The following DNMT1 variants were observed in gnomAD, a reference collection of about 807,000 sequenced individuals.
The protein encoded by DNMT1 is DNA methyltransferase 1.
DNMT1 carries 24 observed loss-of-function variants against 205.3 expected under a neutral mutation model. The observed-to-expected ratio is 0.12, with a 90% CI of 0.08 to 0.16. The LOEUF (loss-of-function observed/expected upper bound fraction) is 0.16. Among genes scored for constraint, DNMT1 ranks in the 10% least tolerant of loss-of-function variants. The pLI, the probability that DNMT1 is intolerant of heterozygous loss-of-function variation, is 1.00. For missense variants in DNMT1, 1,293 were observed against 2,177.7 expected (o/e 0.59, Z 8.09); for synonymous variants, 817 against 839.8 (o/e 0.97, Z 0.47).
chr19:10,166,865 G>C (rs1250658575), intron 10 of DNMT1, among the ~76,000 whole-genome samples, 180 bp from the exon 11 acceptor site: 1 of 152,210 alleles, frequency 6.6e-6, no homozygotes, highest in African/African-American at 2.4e-5. Flanking sequence ...AAGGTCTTCA[G>C]GAACACCATC....
chr19:10,170,066 C>T (rs941285005), intron 9 of DNMT1, among the ~76,000 whole-genome samples: 5 of 152,118 alleles, frequency 3.3e-5, no homozygotes, highest in African/African-American at 1.2e-4. Flanking sequence ...GGGTGGATCA[C>T]CTGAGGTCAG....
rs552415162 is a variant in DNMT1, at chr19:10,138,736, C to T, written c.3949-131G>A. ...AATGCGGAGTGCACTTGCAGAAATCCCCAGTTACCTCAGCAGGCGTGCTCC... is the reference window on the plus strand; with the variant it reads ...AATGCGGAGTGCACTTGCAGAAATCTCCAGTTACCTCAGCAGGCGTGCTCC... On this transcript the variant is annotated intron_variant, in intron 34 of 40. Transcript: ENST00000359526. This position sits in a 1 kb window ranked among gnomAD's most constrained non-coding sequence, Gnocchi z 4.1. 4.7e-4 allele frequency: 570 copies of T among 1,202,436 alleles called. 5 individuals are homozygous for T. In the African/African-American group the frequency reaches 7.7e-3, roughly 16 times the overall value. The allele number at this position is 1,202,436 out of a possible 1,614,324, so 74.5% of individuals were successfully genotyped here.
intron 9 of DNMT1, among the ~76,000 whole-genome samples, chr19:10,171,992 G>A (rs895780687): frequency 6.6e-6 from 1 of 151,172 alleles, no homozygotes; most frequent in African/African-American, 2.4e-5. Flanking sequence ...GGGTGATAGA[G>A]CGGGAGACTG....
intron 5 of DNMT1, among the ~76,000 whole-genome samples, chr19:10,178,901 C>A (rs185167212): frequency 6.6e-6 from 1 of 151,312 alleles, no homozygotes; most frequent in Non-Finnish European, 1.5e-5. Context: ...CCGAGGCGGG[C>A]GGATCATGAG....
chr19:10,175,014 C>T (rs1200893310), intron 7 of DNMT1, among the ~76,000 whole-genome samples: 1 of 148,290 alleles, frequency 6.7e-6, no homozygotes, highest in Non-Finnish European at 1.5e-5. Context: ...AAGATTGTGC[C>T]ACAAGAGCAA....
intron 2 of DNMT1, among the ~76,000 whole-genome samples, chr19:10,181,357 G>A (rs1031372340): frequency 2.6e-5 from 4 of 151,938 alleles, no homozygotes; most frequent in African/African-American, 9.7e-5. Flanking sequence ...GGCTGAGTGG[G>A]AAAATCACTT....
In DNMT1 at chr19:10,154,149, C is replaced by G. The variant is rs890575292; in HGVS notation, c.2019+144G>C. 1.2e-6 allele frequency: 1 copy of G among 868,788 alleles called. No individual in the cohort carries two copies. Among genetic ancestry groups the G allele is most frequent in the Non-Finnish European group, 1.9e-6 (1 of 525,838 alleles). 53.8% of individuals were successfully genotyped at this position (868,788 alleles called of 1,614,324 possible). Reference sequence around the variant, plus strand: ...TTCAATGAAGTATGCAGGGTCCTCCCAGACCACTAACTAATTTCTGTCTCA... The same window carrying G: ...TTCAATGAAGTATGCAGGGTCCTCCGAGACCACTAACTAATTTCTGTCTCA... On this transcript the variant is annotated intron_variant, in intron 22 of 40. Transcript: ENST00000359526. This position sits in a 1 kb window ranked among gnomAD's most constrained non-coding sequence, Gnocchi z 6.3.
chr19:10,151,430 T>C lies in DNMT1; in HGVS notation c.2233A>G (p.Asn745Asp), dbSNP rs910109905. The C allele has an allele frequency of 2.5e-6, 4 of 1,614,028 alleles. No individual in the cohort carries two copies. The highest frequency in any genetic ancestry group is 3.3e-5 in the Admixed American group (2 of 60,014). ...GCTTCTCCGACCCAAGAGATGCGAT[T>C]CTTGTTCTGTTTCTTCTTCTTCCCC... ...HQGKKKKQNK[N>D]RISWVGEAVK... The change falls in exon 24 of 41, where the codon AAT (asparagine) becomes GAT (aspartate). Residue 745 changes from asparagine to aspartate, a missense_variant. By Grantham distance (23) the Asn-to-Asp change is conservative (BLOSUM62 1). Around this residue, in one of 13 missense-constraint regions of DNMT1, gnomAD observed 197 missense variants for 353.6 expected, o/e 0.56. Coordinates refer to ENST00000359526, the MANE Select transcript of DNMT1 (RefSeq NM_001130823.3). This position sits in a 1 kb window ranked among gnomAD's most constrained non-coding sequence, Gnocchi z 5.0.
At chr19:10,171,293 A>G (rs1157209037) in intron 9 of DNMT1, among the ~76,000 whole-genome samples, 2 of 152,194 alleles carry the variant, frequency 1.3e-5, no homozygotes, top group African/African-American at 2.4e-5. Context: ...AGCACCTCCT[A>G]CATCTGAAAA....
In DNMT1 at chr19:10,159,708, A is replaced by G. The variant is rs2145320177; in HGVS notation, c.1230T>C (p.Ser410=). Residue 410 remains serine (S), a synonymous_variant, in exon 17 of 41, where the codon TCT becomes TCC. Coordinates refer to ENST00000359526, the MANE Select transcript of DNMT1 (RefSeq NM_001130823.3). The surrounding 1 kb of genome is among the most constrained non-coding windows in gnomAD (Gnocchi z 5.0). ...EKLSIFDANE[S]GFESYEALPQ... is the part of the protein sequence containing the mutation. The stretch of plus-strand genomic sequence containing the variant: ...GAAGCGCCTCATAACTCTCAAAGCC[A>G]GACTCGTTGGCATCAAAGATGGACA... 7 of 1,614,220 alleles carry G rather than the reference A, an allele frequency of 4.3e-6. No individual in the cohort carries two copies. The highest frequency in any genetic ancestry group is 5.9e-6 in the Non-Finnish European group (7 of 1,180,036).
At chr19:10,139,016 G>C (rs1013253216) in intron 34 of DNMT1, among the ~76,000 whole-genome samples, 1 of 152,252 alleles carries the variant, frequency 6.6e-6, no homozygotes, top group African/African-American at 2.4e-5. Flanking sequence ...CCCTGAGGCT[G>C]AGCTAGGGGA....
intron 22 of DNMT1, among the ~76,000 whole-genome samples, chr19:10,153,316 C>T (rs557420561): frequency 2.0e-5 from 3 of 152,186 alleles, no homozygotes; most frequent in South Asian, 2.1e-4. Flanking sequence ...AGTATCAACA[C>T]GTAACAGTTA....
intron 5 of DNMT1, among the ~76,000 whole-genome samples, chr19:10,178,191 AG>A (rs2038972027): frequency 6.6e-6 from 1 of 150,938 alleles, no homozygotes; most frequent in Admixed American, 6.7e-5. Flanking sequence ...CAGGAGGTGG[AG>A]GTTGTGGTGA....
Position 10,154,569 on chromosome 19 carries a change from C to T in DNMT1, c.1832+17G>A, listed in dbSNP as rs757270672. The T allele has an allele frequency of 2.5e-5, 41 of 1,613,746 alleles. No individual in the cohort carries two copies. Among genetic ancestry groups the T allele is most frequent in the Non-Finnish European group, 3.2e-5 (38 of 1,179,870 alleles). On this transcript the variant is annotated intron_variant, in intron 21 of 40. Coordinates refer to ENST00000359526, the MANE Select transcript of DNMT1 (RefSeq NM_001130823.3). This position sits in a 1 kb window ranked among gnomAD's most constrained non-coding sequence, Gnocchi z 6.3. ...CCCGGTCTCCAGTCTTCACTCTGGT[C>T]CCTGCCGCATCCTTACCTCTGTCCC...
chr19:10,141,855 C>G, intron 30 of DNMT1, 173 bp downstream of exon 30: 1 of 694,818 alleles, frequency 1.4e-6, no homozygotes, highest in Non-Finnish European at 2.4e-6. Flanking sequence ...CTCTGGAGAA[C>G]CCTGCTCAGA....
chr19:10,136,397 C>A, intron 37 of DNMT1, 110 bp from the exon 38 acceptor site: 5 of 1,440,568 alleles, frequency 3.5e-6, no homozygotes, highest in Middle Eastern at 2.4e-4. Context: ...TGCAAGGGGC[C>A]CCCTGGGGTG....
Position 10,168,326 on chromosome 19 carries a change from T to G in DNMT1, c.803+4A>C. The G allele has an allele frequency of 6.2e-7, 1 of 1,614,176 alleles. No homozygotes were observed. Among genetic ancestry groups the G allele is most frequent in the East Asian group, 2.2e-5 (1 of 44,886 alleles). On this transcript the variant is annotated splice_donor_region_variant and intron_variant, in intron 10 of 40. Coordinates refer to ENST00000359526, the MANE Select transcript of DNMT1 (RefSeq NM_001130823.3). ...AAGCACAAAGGCAGGTTCGCTGCAC[T>G]TACGGTTCTTTGGTTTGACTTCGGA...
chr19:10,161,765 T>C (rs1399166142), intron 13 of DNMT1, among the ~76,000 whole-genome samples: 3 of 152,206 alleles, frequency 2.0e-5, no homozygotes, highest in Non-Finnish European at 4.4e-5. Flanking sequence ...TATTTGGATG[T>C]AGAGTCTTTA....
chr19:10,151,859 C>T lies in DNMT1; in HGVS notation c.2020-12G>A, dbSNP rs2038349310. On this transcript the variant is annotated splice_polypyrimidine_tract_variant and intron_variant, in intron 22 of 40. Transcript: ENST00000359526. The surrounding 1 kb of genome is among the most constrained non-coding windows in gnomAD (Gnocchi z 5.0). Reference sequence around the variant, plus strand: ...GGCTGCTGACACACCTAAAAAATGGCATTAAAAAGGCAAATCAGGGCTGGG... The same window carrying T: ...GGCTGCTGACACACCTAAAAAATGGTATTAAAAAGGCAAATCAGGGCTGGG... 6.2e-7 allele frequency: 1 copy of T among 1,613,626 alleles called. No homozygotes were observed. The highest frequency in any genetic ancestry group is 1.3e-5 in the African/African-American group (1 of 74,986).
Sources: allele counts gnomAD v4.1 joint callset (sites outside exome capture counted in the v4.1 genomes callset), GRCh38; gene constraint gnomAD v4.1.1; regional missense constraint gnomAD v4.1.1; non-coding constraint Gnocchi (gnomAD v3.1); transcripts MANE v1.5; gene names NCBI Gene and HGNC (gene_info 2026-07-23, HGNC 2026-07-21).